NLRC4: variants seen among roughly 807,000 people sequenced by gnomAD.
The protein encoded by NLRC4 is NLR family CARD domain containing 4.
NLRC4 carries 63 observed loss-of-function variants against 79.9 expected under a neutral mutation model. The observed-to-expected ratio is 0.79, with a 90% CI of 0.64 to 0.97. The LOEUF is 0.97. Among genes scored for constraint, NLRC4 ranks in the 50% least tolerant of loss-of-function variants. The pLI is 0.00. For synonymous variants in NLRC4, 461 were observed against 456.5 expected (o/e 1.01, Z -0.12); for missense variants, 1,074 against 1,215.2 (o/e 0.88, Z 1.73).
At chr2:32,258,883 A>G (rs1470349822) in intron 1 of NLRC4, among the ~76,000 whole-genome samples, 2 of 152,098 alleles carry the variant, frequency 1.3e-5, no homozygotes, top group East Asian at 3.9e-4. Flanking sequence ...GGCTCCTCAT[A>G]CACACATACA....
chr2:32,236,404 T>C (rs1254296741), intron 6 of NLRC4, 65 bp from the exon 7 acceptor site: 1 of 930,596 alleles, frequency 1.1e-6, no homozygotes, highest in African/African-American at 2.8e-5. Flanking sequence ...TTTTGAAGTA[T>C]CCTTAGAATA....
At chr2:32,239,511 T>C (rs1686748108) in intron 5 of NLRC4, among the ~76,000 whole-genome samples, 1 of 152,152 alleles carries the variant, frequency 6.6e-6, no homozygotes, top group Admixed American at 6.6e-5. Flanking sequence ...ATTATAAACT[T>C]GGGCAAGTTA....
Position 32,252,763 on chromosome 2 carries a change from A to G in NLRC4, c.2-84T>C, listed in dbSNP as rs896989169. ...GCTGGGCACGGTGGCTCACGCCTGT[A>G]ATCCCAGCACTTTGGGAGGCCGAGG... On this transcript the variant is annotated intron_variant, in intron 2 of 8. Coordinates refer to ENST00000402280, the MANE Select transcript of NLRC4 (RefSeq NM_001199138.2). The G allele has an allele frequency of 2.5e-6, 3 of 1,216,848 alleles. No homozygotes were observed. The Admixed American group carries it at 5.7e-5, about 23-fold the overall frequency. The allele number at this position is 1,216,848 out of a possible 1,614,324, so 75.4% of individuals were successfully genotyped here. A position where few individuals can be genotyped will look rare whatever the true frequency, so the allele number is the denominator to read the frequency against.
intron 8 of NLRC4, among the ~76,000 whole-genome samples, chr2:32,231,572 T>TGCCGGGG (rs757448591): frequency 3.4e-5 from 2 of 59,456 alleles, no homozygotes; most frequent in African/African-American, 1.6e-4. Context: ...TATTTTTTTT[T>TGCCGGGG]GTGGGGGGGG....
chr2:32,238,369 A>C (rs1318498030), intron 5 of NLRC4, 67 bp from the exon 6 acceptor site: 1 of 1,330,368 alleles, frequency 7.5e-7, no homozygotes, highest in East Asian at 2.4e-5. Flanking sequence ...AGATTAATGA[A>C]CTGAAAAGAA....
rs771068538 is a variant in NLRC4, at chr2:32,250,725, C to G, written c.1139G>C (p.Gly380Ala). ...CCGAATGAAGTCACTTGCAGCCACACCTTTATGTTTGTGTTTGTTTTTCTG... is the reference window on the plus strand; with the variant it reads ...CCGAATGAAGTCACTTGCAGCCACAGCTTTATGTTTGTGTTTGTTTTTCTG... ...LIQKNKHKHK[G>A]VAASDFIRSL... Residue 380 changes from glycine to alanine, a missense_variant, in exon 4 of 9, where the codon GGT becomes GCT. Transcript: ENST00000402280. This position sits in a 1 kb window ranked among gnomAD's most constrained non-coding sequence, Gnocchi z 4.9. The G allele has an allele frequency of 1.2e-6, 2 of 1,614,054 alleles. No homozygotes were observed. Among genetic ancestry groups the G allele is most frequent in the Non-Finnish European group, 1.7e-6 (2 of 1,180,026 alleles).
chr2:32,249,775 A>G lies in NLRC4; in HGVS notation c.2089T>C (p.Cys697Arg). The G allele has an allele frequency of 6.2e-7, 1 of 1,614,228 alleles. No homozygotes were observed. Among genetic ancestry groups the G allele is most frequent in the Non-Finnish European group, 8.5e-7 (1 of 1,180,038 alleles). ...CTGAGGCTTCCAGCCACACCAGCAC[A>G]TCTCTTTATTTGCAGCCTGAGGCTT... is the stretch of plus-strand genomic sequence containing the variant. ...ATSLRLQIKR[C>R]AGVAGSLSLV... The change falls in exon 4 of 9, where the codon TGT becomes CGT. Residue 697 changes from cysteine (C) to arginine (R), a missense_variant. By Grantham distance (180) the Cys-to-Arg change is radical. Transcript: ENST00000402280.
At chr2:32,255,999 G>GT (rs1336880625) in intron 2 of NLRC4, among the ~76,000 whole-genome samples, 23 of 151,102 alleles carry the variant, frequency 1.5e-4, no homozygotes, top group Admixed American at 1.5e-3. Flanking sequence ...GGGCTACAGA[G>GT]CGAGACTCCA....
intron 2 of NLRC4, among the ~76,000 whole-genome samples, chr2:32,253,557 G>A (rs1687134763): frequency 6.6e-6 from 1 of 152,156 alleles, no homozygotes; most frequent in Admixed American, 6.5e-5. Context: ...TCCCCAGTGA[G>A]GTTGTAGTTG....
At chr2:32,234,918 G>A (rs577017587) in intron 8 of NLRC4, among the ~76,000 whole-genome samples, 45 of 152,318 alleles carry the variant, frequency 3.0e-4, no homozygotes, top group African/African-American at 1.0e-3. Flanking sequence ...ATAGTATGAA[G>A]GCTTCTTTCA....
At chr2:32,240,505 G>A (rs1375413905) in intron 5 of NLRC4, among the ~76,000 whole-genome samples, 1 of 151,494 alleles carries the variant, frequency 6.6e-6, no homozygotes, top group Non-Finnish European at 1.5e-5. Context: ...GGTTCCCTGT[G>A]GTAAGCCATG....
intron 2 of NLRC4, among the ~76,000 whole-genome samples, chr2:32,255,520 C>CAAA (rs1385459440): frequency 7.8e-5 from 3 of 38,600 alleles, no homozygotes; most frequent in African/African-American, 2.8e-4. Flanking sequence ...AACTCCGTCT[C>CAAA]AAAAAAAAAA....
intron 7 of NLRC4, 22 bp downstream of exon 7, chr2:32,236,225 T>G (rs1686669475): frequency 6.8e-7 from 1 of 1,461,148 alleles, no homozygotes; most frequent in Non-Finnish European, 9.5e-7. Flanking sequence ...GTATCTAATT[T>G]TGGCTGAATT....
At chr2:32,247,226 G>A (rs1200005297) in intron 4 of NLRC4, among the ~76,000 whole-genome samples, 1 of 152,198 alleles carries the variant, frequency 6.6e-6, no homozygotes, top group African/African-American at 2.4e-5. Flanking sequence ...TGGCAGGGAA[G>A]GACTGGGTAT....
At chr2:32,233,556 A>G (rs1223672432) in intron 8 of NLRC4, among the ~76,000 whole-genome samples, 1 of 151,632 alleles carries the variant, frequency 6.6e-6, no homozygotes, top group Non-Finnish European at 1.5e-5. Flanking sequence ...ATTCCAGAGC[A>G]TGTTGTTTAA....
intron 4 of NLRC4, among the ~76,000 whole-genome samples, chr2:32,243,527 C>T (rs1414090407): frequency 4.0e-5 from 6 of 151,756 alleles, no homozygotes; most frequent in South Asian, 4.2e-4. Context: ...TTACGGCAGG[C>T]GTGGTGGCTC....
chr2:32,249,487 G>A, intron 4 of NLRC4, 120 bp downstream of exon 4: 1 of 817,768 alleles, frequency 1.2e-6, no homozygotes, highest in Non-Finnish European at 1.9e-6. Context: ...CCTGTGGGAT[G>A]GCCACCTTGC....
intron 4 of NLRC4, among the ~76,000 whole-genome samples, chr2:32,248,353 CATT>C (rs1487245489): frequency 6.6e-6 from 1 of 152,160 alleles, no homozygotes; most frequent in African/African-American, 2.4e-5. Context: ...AAACACACAT[CATT>C]ATACTCCCTC....
chr2:32,244,936 G>C lies in NLRC4; in HGVS notation c.2258-3811C>G, dbSNP rs28509390. Among the ~76,000 whole-genome samples the C allele has an allele frequency of 8.1e-3, 1,226 of 151,946 alleles. 12 individuals are homozygous for C. The highest frequency in any genetic ancestry group is 0.028 in the African/African-American group (1,162 of 41,440). On this transcript the variant is annotated intron_variant, in intron 4 of 8. Coordinates refer to ENST00000402280, the MANE Select transcript of NLRC4 (RefSeq NM_001199138.2). ...GAGGAAGAGGAGGAGAATGAGAAGA[G>C]AAAAAATTAGTGAGGTAGCGAGGTG...
Sources: gnomAD v4.1 joint callset for allele counts (sites outside exome capture counted in the v4.1 genomes callset) on GRCh38, gnomAD v4.1.1 for gene constraint, Gnocchi (gnomAD v3.1) non-coding constraint, MANE v1.5 for transcripts, NCBI Gene and HGNC (gene_info 2026-07-23, HGNC 2026-07-21) for gene names.